NRXN1: variants seen among roughly 807,000 people sequenced by gnomAD.
NRXN1 encodes neurexin 1, also known as neurexin-1.
NRXN1 carries 39 observed loss-of-function variants against 150.9 expected under a neutral mutation model. The observed-to-expected ratio is 0.26, with a 90% CI of 0.20 to 0.34. The LOEUF is 0.34. Among genes scored for constraint, NRXN1 ranks in the 10% least tolerant of loss-of-function variants. The pLI, the probability that NRXN1 is intolerant of heterozygous loss-of-function variation, is 1.00. For synonymous variants in NRXN1, 924 were observed against 757.0 expected, an observed-to-expected ratio of 1.22 and a Z score of -3.62; for missense variants, 1,815 against 1,949.9, an observed-to-expected ratio of 0.93 and a Z score of 1.30.
intron 21 of NRXN1, among the ~76,000 whole-genome samples, chr2:50,045,771 G>A (rs1367510473): frequency 6.6e-6 from 1 of 152,042 alleles, no homozygotes; most frequent in Non-Finnish European, 1.5e-5. Context: ...TTTAGAGGAA[G>A]TGCCAACTTC....
chr2:50,214,486 A>G (rs1021761418), intron 18 of NRXN1, among the ~76,000 whole-genome samples: 1 of 152,018 alleles, frequency 6.6e-6, no homozygotes, highest in Admixed American at 6.6e-5. Context: ...TTGTCCAGGT[A>G]GAGACTGATG....
intron 2 of NRXN1, among the ~76,000 whole-genome samples, chr2:51,021,551 CAT>C (rs67059107): frequency 0.23 from 34,111 of 150,214 alleles, 4,186 homozygotes; most frequent in Non-Finnish European, 0.29. Context: ...GACATGTATA[CAT>C]ATATATATAT....
At chr2:50,793,484 A>C (rs1213753785) in intron 5 of NRXN1, among the ~76,000 whole-genome samples, 2 of 152,114 alleles carry the variant, frequency 1.3e-5, no homozygotes, top group African/African-American at 4.8e-5. Flanking sequence ...GTTAATCAAG[A>C]ACCATTACTC....
chr2:50,122,426 G>A (rs562478991), intron 18 of NRXN1, among the ~76,000 whole-genome samples: 1 of 152,330 alleles, frequency 6.6e-6, no homozygotes, highest in African/African-American at 2.4e-5. Context: ...AACTCAAGCT[G>A]ACTGGCCAGA....
chr2:50,060,174 G>C (rs1284428037), intron 19 of NRXN1, among the ~76,000 whole-genome samples: 2 of 152,208 alleles, frequency 1.3e-5, no homozygotes, highest in Non-Finnish European at 2.9e-5. Flanking sequence ...CACAGAGGCA[G>C]AGCTGCCCAA....
At chr2:50,111,791 G>T (rs1016187826) in intron 18 of NRXN1, among the ~76,000 whole-genome samples, 1 of 152,070 alleles carries the variant, frequency 6.6e-6, no homozygotes, top group African/African-American at 2.4e-5. Flanking sequence ...TTTTCTGCTG[G>T]AAAAATCACC....
intron 2 of NRXN1, among the ~76,000 whole-genome samples, chr2:50,936,534 T>A (rs527582801): frequency 6.6e-6 from 1 of 152,322 alleles, no homozygotes; most frequent in African/African-American, 2.4e-5. Flanking sequence ...CTAGTAAATG[T>A]AGCTTGTGGC....
intron 22 of NRXN1, among the ~76,000 whole-genome samples, chr2:49,939,867 A>C (rs1171178734): frequency 1.3e-5 from 2 of 152,200 alleles, no homozygotes; most frequent in Admixed American, 1.3e-4. Context: ...ATATAGTGAC[A>C]CTCAATACCT....
At chr2:50,765,789 T>C (rs3914723) in intron 5 of NRXN1, among the ~76,000 whole-genome samples, 121,407 of 151,902 alleles carry the variant, frequency 0.8, 48,904 homozygotes, top group East Asian at 0.88. Flanking sequence ...AAACAGTGAG[T>C]CAGCATTTTT....
intron 21 of NRXN1, chr2:49,970,661 C>G (rs1012394842): frequency 5.3e-5 from 8 of 152,094 alleles, no homozygotes; most frequent in Admixed American, 5.2e-4. Context: ...TAAAATCAGT[C>G]TTTCTGGTCA....
At chr2:50,307,815 T>G (rs1308361051) in intron 17 of NRXN1, among the ~76,000 whole-genome samples, 1 of 152,046 alleles carries the variant, frequency 6.6e-6, no homozygotes, top group Non-Finnish European at 1.5e-5. Context: ...TACCCAAAGC[T>G]CTGGAATAGT....
intron 17 of NRXN1, among the ~76,000 whole-genome samples, chr2:50,259,478 A>G (rs929183872): frequency 6.6e-6 from 1 of 151,868 alleles, no homozygotes; most frequent in Non-Finnish European, 1.5e-5. Flanking sequence ...CTACATTCCT[A>G]CTTAGCATAC....
intron 18 of NRXN1, among the ~76,000 whole-genome samples, chr2:50,134,529 A>T (rs187709432): frequency 6.6e-6 from 1 of 152,164 alleles, no homozygotes. Flanking sequence ...TGTTTGATAC[A>T]ATTCAGGTTA....
intron 17 of NRXN1, among the ~76,000 whole-genome samples, chr2:50,445,938 C>A (rs568578790): frequency 2.0e-5 from 3 of 152,084 alleles, no homozygotes; most frequent in East Asian, 1.9e-4. Flanking sequence ...ATGGTATTGA[C>A]ATTCTCAATT....
chr2:50,791,380 G>A (rs961625101), intron 5 of NRXN1, among the ~76,000 whole-genome samples: 2 of 150,866 alleles, frequency 1.3e-5, no homozygotes, highest in Non-Finnish European at 2.9e-5. Flanking sequence ...CTCCATACAG[G>A]AGATATGTGG....
chr2:50,275,117 G>T (rs988369924), intron 17 of NRXN1, among the ~76,000 whole-genome samples: 5 of 152,116 alleles, frequency 3.3e-5, no homozygotes, highest in Non-Finnish European at 5.9e-5. Flanking sequence ...CTGTGTAATT[G>T]GAAGTGAGGC....
Position 50,737,511 on chromosome 2 carries a change from A to G in NRXN1, c.833-113896T>C, listed in dbSNP as rs376303421. Among the ~76,000 whole-genome samples, 43 of 152,302 alleles carry G rather than the reference A, an allele frequency of 2.8e-4. No homozygotes were observed. In the South Asian group the frequency reaches 7.7e-3, roughly 27 times the overall value. ...AAGTGTTTTAAAATGTAAATGATAG[A>G]GCTGGGATGTGAACCCAGGTTGTAG... On this transcript the variant is annotated intron_variant, in intron 5 of 22. Transcript: ENST00000401669.
At chr2:50,060,883 C>T (rs1186579135) in intron 19 of NRXN1, among the ~76,000 whole-genome samples, 3 of 151,978 alleles carry the variant, frequency 2.0e-5, no homozygotes, top group East Asian at 1.9e-4. Context: ...TATAAATCAC[C>T]CAGTCTCTAG....
intron 5 of NRXN1, among the ~76,000 whole-genome samples, chr2:50,896,904 A>T (rs1008954990): frequency 6.6e-6 from 1 of 152,150 alleles, no homozygotes; most frequent in African/African-American, 2.4e-5. Flanking sequence ...CAATGATTTG[A>T]AAGATGTAAG....
Sources: gnomAD v4.1 joint callset for allele counts (sites outside exome capture counted in the v4.1 genomes callset) on GRCh38, gnomAD v4.1.1 for gene constraint, MANE v1.5 for transcripts, NCBI Gene and HGNC (gene_info 2026-07-23, HGNC 2026-07-21) for gene names.